The following ABCG2 variants were observed in gnomAD, a reference collection of about 807,000 sequenced individuals.
The protein encoded by ABCG2 is broad substrate specificity ATP-binding cassette transporter ABCG2.
ABCG2 carries 80 observed loss-of-function variants against 73.5 expected under a neutral mutation model. The observed-to-expected ratio is 1.09, with a 90% CI of 0.91 to 1.31. ABCG2 has a LOEUF of 1.31. Ranked by LOEUF, ABCG2 falls within the 50% of genes most tolerant of loss-of-function variation. The probability of loss-of-function intolerance (pLI) is 0.00; values close to 1 mark genes in which losing one functional copy is unlikely to be tolerated. For missense variants in ABCG2, 796 were observed against 786.2 expected (o/e 1.01, Z -0.15); for synonymous variants, 269 against 282.4 (o/e 0.95, Z 0.48).
intron 1 of ABCG2, among the ~76,000 whole-genome samples, chr4:88,212,471 A>G (rs780297517): frequency 2.0e-5 from 3 of 152,020 alleles, no homozygotes; most frequent in Non-Finnish European, 2.9e-5. Context: ...GCCTCTGACT[A>G]CCTTGAACTT....
At chr4:88,097,994 G>A (rs1336501066) in intron 12 of ABCG2, among the ~76,000 whole-genome samples, 3 of 152,238 alleles carry the variant, frequency 2.0e-5, no homozygotes, top group African/African-American at 7.2e-5. Context: ...GGACTGGGAC[G>A]ATCGGGATGC....
chr4:88,164,783 G>T (rs1456352777), intron 1 of ABCG2, among the ~76,000 whole-genome samples: 4 of 151,934 alleles, frequency 2.6e-5, no homozygotes, highest in Admixed American at 2.6e-4. Context: ...TGTTGTTGTT[G>T]TTGTTTGTTT....
chr4:88,102,819 C>T (rs570115787), intron 10 of ABCG2, among the ~76,000 whole-genome samples: 246 of 151,972 alleles, frequency 1.6e-3, no homozygotes, highest in African/African-American at 5.6e-3. Flanking sequence ...AATGCAAACC[C>T]AAGTGAACAA....
chr4:88,173,988 C>T (rs1033540781), intron 1 of ABCG2, among the ~76,000 whole-genome samples: 1 of 152,174 alleles, frequency 6.6e-6, no homozygotes, highest in Admixed American at 6.5e-5. Flanking sequence ...TTATTTCCCC[C>T]TTACAGTTTG....
chr4:88,224,906 C>T (rs1730147674), intron 1 of ABCG2, among the ~76,000 whole-genome samples: 1 of 152,156 alleles, frequency 6.6e-6, no homozygotes, highest in African/African-American at 2.4e-5. Flanking sequence ...TTGCATGTGG[C>T]TATCCAGTTT....
intron 10 of ABCG2, 71 bp from the exon 11 acceptor site, chr4:88,101,390 A>G: frequency 7.5e-7 from 1 of 1,329,894 alleles, no homozygotes; most frequent in Non-Finnish European, 1.1e-6. Flanking sequence ...TACCCACAAA[A>G]CTCTTTCCAC....
At chr4:88,120,820 G>A (rs1723917006) in intron 6 of ABCG2, among the ~76,000 whole-genome samples, 1 of 152,176 alleles carries the variant, frequency 6.6e-6, no homozygotes, top group Non-Finnish European at 1.5e-5. Flanking sequence ...CTGGGAGACT[G>A]TTGGGAAGGC....
intron 1 of ABCG2, among the ~76,000 whole-genome samples, chr4:88,166,107 A>C (rs1022702929): frequency 1.3e-5 from 2 of 152,144 alleles, no homozygotes; most frequent in Non-Finnish European, 2.9e-5. Flanking sequence ...TTTAAACTGA[A>C]ACATTTAAGA....
At chr4:88,175,046 G>A (rs568835883) in intron 1 of ABCG2, among the ~76,000 whole-genome samples, 7 of 152,070 alleles carry the variant, frequency 4.6e-5, no homozygotes, top group South Asian at 4.2e-4. Context: ...GAGGAAATTC[G>A]GAAACACAAA....
At chr4:88,214,518 CAG>C (rs1729733426) in intron 1 of ABCG2, among the ~76,000 whole-genome samples, 1 of 151,900 alleles carries the variant, frequency 6.6e-6, no homozygotes, top group Admixed American at 6.6e-5. Flanking sequence ...AACAATATGC[CAG>C]AGAGAGCAGT....
At chr4:88,099,598 C>T (rs994654282) in intron 11 of ABCG2, 150 bp from the exon 12 acceptor site, 2 of 679,876 alleles carry the variant, frequency 2.9e-6, no homozygotes, top group African/African-American at 3.7e-5. Context: ...TATGCATGCC[C>T]ATGAATACCT....
intron 2 of ABCG2, 44 bp downstream of exon 2, chr4:88,139,749 T>C (rs1159552425): frequency 1.9e-6 from 3 of 1,556,024 alleles, no homozygotes; most frequent in Non-Finnish European, 2.6e-6. Flanking sequence ...AGGTTCACTG[T>C]AGGTAAATTA....
chr4:88,170,889 G>A (rs1727729984), intron 1 of ABCG2, among the ~76,000 whole-genome samples: 1 of 152,158 alleles, frequency 6.6e-6, no homozygotes, highest in Admixed American at 6.5e-5. Flanking sequence ...TGGTATATAT[G>A]TATATACCAT....
chr4:88,167,595 G>A (rs1169311874), intron 1 of ABCG2, among the ~76,000 whole-genome samples: 5 of 151,906 alleles, frequency 3.3e-5, no homozygotes, highest in Non-Finnish European at 5.9e-5. Flanking sequence ...GGCTGGTTTC[G>A]AACTCCTGAC....
At chr4:88,171,211 T>C (rs1727742485) in intron 1 of ABCG2, among the ~76,000 whole-genome samples, 2 of 149,244 alleles carry the variant, frequency 1.3e-5, no homozygotes, top group African/African-American at 5.0e-5. Context: ...CAACAAACCC[T>C]CATGACACGA....
intron 1 of ABCG2, among the ~76,000 whole-genome samples, chr4:88,177,972 T>C (rs909086703): frequency 6.6e-6 from 1 of 152,008 alleles, no homozygotes; most frequent in South Asian, 2.1e-4. Flanking sequence ...GGGTTCTAAA[T>C]AAACTGGAAA....
chr4:88,101,529 C>G (rs1018229113), intron 10 of ABCG2, among the ~76,000 whole-genome samples: 1 of 152,200 alleles, frequency 6.6e-6, no homozygotes, highest in South Asian at 2.1e-4. Flanking sequence ...TTGAAACTCA[C>G]AGTCTTGGAT....
At chr4:88,191,264 T>G (rs1728680686) in intron 1 of ABCG2, among the ~76,000 whole-genome samples, 1 of 139,938 alleles carries the variant, frequency 7.1e-6, no homozygotes. Flanking sequence ...AGAGTGAGAC[T>G]CCGTCTCAAA....
intron 1 of ABCG2, among the ~76,000 whole-genome samples, chr4:88,170,575 C>T (rs892872367): frequency 1.3e-5 from 2 of 152,220 alleles, no homozygotes; most frequent in Non-Finnish European, 2.9e-5. Context: ...GGCAAGCCCA[C>T]GCCACCTGGC....
Sources: allele counts gnomAD v4.1 joint callset (sites outside exome capture counted in the v4.1 genomes callset), GRCh38; gene constraint gnomAD v4.1.1; transcripts MANE v1.5; gene names NCBI Gene and HGNC (gene_info 2026-07-23, HGNC 2026-07-21).